Variants in GPSM1 observed in about 807,000 individuals in gnomAD.
The protein encoded by GPSM1 is G protein-signaling modulator 1.
A neutral mutation model predicts 70.5 loss-of-function variants in GPSM1; 48 were observed. That is an observed-to-expected ratio of 0.68 (90% CI 0.54 to 0.87). The LOEUF is 0.87. Among genes scored for constraint, GPSM1 ranks in the 40% least tolerant of loss-of-function variants. The pLI is 0.00. For synonymous variants in GPSM1, 416 were observed against 430.1 expected (o/e 0.97, Z 0.41); for missense variants, 981 against 972.6 (o/e 1.01, Z -0.11).
At chr9:136,354,816 G>C (rs1194087633) in intron 11 of GPSM1, 1 of 993,642 alleles carries the variant, frequency 1.0e-6, no homozygotes. Context: ...GGCTGTGTAG[G>C]GCATGGACAC....
At position 136,358,277 on chromosome 9, in the gene GPSM1, A is replaced by C. The variant is rs936984632; in HGVS notation, c.*57A>C. On this transcript the variant is annotated 3_prime_UTR_variant, in exon 14 of 14. Coordinates refer to ENST00000440944, the MANE Select transcript of GPSM1 (RefSeq NM_001145638.3). ...CCCCACTCCTGGACGCCGGTCTCAC[A>C]GTCACAGCCACGTCCTCCCGAGGCC... 15 of 1,406,224 alleles carry C rather than the reference A, an allele frequency of 1.1e-5. No homozygotes were observed. The highest frequency in any genetic ancestry group is 1.5e-5 in the Non-Finnish European group (15 of 1,033,212). The allele number at this position is 1,406,224 out of a possible 1,614,324, so 87.1% of individuals were successfully genotyped here. A position where few individuals can be genotyped will look rare whatever the true frequency, so the allele number is the denominator to read the frequency against.
At chr9:136,336,871 C>G in intron 3 of GPSM1, 50 bp from the exon 4 acceptor site, 1 of 1,516,212 alleles carries the variant, frequency 6.6e-7, no homozygotes. Context: ...CTCTGCACAT[C>G]GTGTGGGGGG....
At chr9:136,344,583 T>C (rs1417629966) in intron 9 of GPSM1, among the ~76,000 whole-genome samples, 1 of 152,214 alleles carries the variant, frequency 6.6e-6, no homozygotes, top group Admixed American at 6.5e-5. Context: ...CATGACCTCA[T>C]GTAAACCTCA....
At chr9:136,333,693 A>G (rs1554768789) in intron 1 of GPSM1, among the ~76,000 whole-genome samples, 1 of 152,124 alleles carries the variant, frequency 6.6e-6, no homozygotes, top group Non-Finnish European at 1.5e-5. Context: ...CGCCATCCAC[A>G]TCTTCCCACA....
In GPSM1 at chr9:136,342,929, G is replaced by A. The variant is rs1016865333; in HGVS notation, c.1207+1936G>A. ...CGCGGTGGGGCGTGGCCTTGCTGTTGTGGGCGTGGTCCATGGGGGCGGTGG... is the reference window on the plus strand; with the variant it reads ...CGCGGTGGGGCGTGGCCTTGCTGTTATGGGCGTGGTCCATGGGGGCGGTGG... On this transcript the variant is annotated intron_variant, in intron 9 of 13. Transcript: ENST00000440944. The surrounding 1 kb of genome is among the most constrained non-coding windows in gnomAD (Gnocchi z 5.5). Among the ~76,000 whole-genome samples, 1 of 152,024 alleles carries A rather than the reference G, an allele frequency of 6.6e-6. No individual in the cohort carries two copies. Among genetic ancestry groups the A allele is most frequent in the Non-Finnish European group, 1.5e-5 (1 of 67,978 alleles).
In GPSM1 at chr9:136,336,918, C is replaced by T. The variant is rs1832252628; in HGVS notation, c.427-3C>T. 3.2e-6 allele frequency: 5 copies of T among 1,553,086 alleles called. No homozygotes were observed. The highest frequency in any genetic ancestry group is 1.4e-5 in the African/African-American group (1 of 73,262). ...TGCCCCCAACCCTCCGTACTGCCCA[C>T]AGGTTGGGGAGGCGAGGGCCCTCTA... On this transcript the variant is annotated splice_polypyrimidine_tract_variant and splice_region_variant and intron_variant, in intron 3 of 13. Transcript: ENST00000440944.
intron 11 of GPSM1, among the ~76,000 whole-genome samples, chr9:136,352,005 T>C (rs1209509552): frequency 1.3e-5 from 2 of 152,022 alleles, no homozygotes; most frequent in East Asian, 1.9e-4. Context: ...AGGGAAGGGC[T>C]TTCAGCTCTC....
At chr9:136,354,848 A>ACACAGGGTGTGGTGGGCACAGGGAT in intron 11 of GPSM1, 1 of 1,000,904 alleles carries the variant, frequency 1.0e-6, no homozygotes, top group Non-Finnish European at 1.2e-6. Flanking sequence ...GGCAGGGCTG[A>ACACAGGGTGTGGTGGGCACAGGGAT]CACAGGGTGT....
rs1182487522 is a variant in GPSM1, at chr9:136,341,584, C to T, written c.1207+591C>T. 9 of 1,013,966 alleles carry T rather than the reference C, an allele frequency of 8.9e-6. No individual in the cohort carries two copies. Among genetic ancestry groups the T allele is most frequent in the South Asian group, 8.2e-5 (2 of 24,478 alleles). The allele number at this position is 1,013,966 out of a possible 1,614,324, so 62.8% of individuals were successfully genotyped here. ...CCAGGGGGGTGGTGCCAGGTTGGGC[C>T]GACTTCCTGAGGTGGCTGGCAGGTG... On this transcript the variant is annotated intron_variant, in intron 9 of 13. Transcript: ENST00000440944. The surrounding 1 kb of genome is among the most constrained non-coding windows in gnomAD (Gnocchi z 6.7).
At chr9:136,332,485 C>G (rs1236814101) in intron 1 of GPSM1, among the ~76,000 whole-genome samples, 3 of 152,248 alleles carry the variant, frequency 2.0e-5, no homozygotes, top group African/African-American at 7.2e-5. Flanking sequence ...CTGGGCTCCA[C>G]AGACACCCAG....
At chr9:136,349,233 C>T (rs1832598079) in intron 10 of GPSM1, among the ~76,000 whole-genome samples, 1 of 152,368 alleles carries the variant, frequency 6.6e-6, no homozygotes, top group South Asian at 2.1e-4. Flanking sequence ...GTGGCCTGGG[C>T]CAGCAGCCTG....
intron 11 of GPSM1, among the ~76,000 whole-genome samples, chr9:136,351,060 T>C (rs1313271082): frequency 6.6e-6 from 1 of 152,050 alleles, no homozygotes; most frequent in East Asian, 1.9e-4. Flanking sequence ...GACGGCTGGG[T>C]CCAAACCACT....
chr9:136,350,752 G>C (rs1832640030), intron 11 of GPSM1, among the ~76,000 whole-genome samples: 1 of 152,242 alleles, frequency 6.6e-6, no homozygotes, highest in Non-Finnish European at 1.5e-5. Context: ...CGCAGCCTGG[G>C]CGCCACCCGG....
chr9:136,336,622 G>A (rs141121126), intron 3 of GPSM1, among the ~76,000 whole-genome samples: 336 of 152,332 alleles, frequency 2.2e-3, no homozygotes, highest in Non-Finnish European at 3.9e-3. Flanking sequence ...GCTTGAGGCC[G>A]CAGCATCTGG....
intron 5 of GPSM1, 105 bp from the exon 6 acceptor site, chr9:136,337,741 C>A: frequency 9.6e-7 from 1 of 1,045,136 alleles, no homozygotes; most frequent in Non-Finnish European, 1.5e-6. Context: ...CACCCGGACA[C>A]ACAGATCTCT....
At chr9:136,357,676 T>A (rs1409515658) in intron 13 of GPSM1, among the ~76,000 whole-genome samples, 1 of 152,144 alleles carries the variant, frequency 6.6e-6, no homozygotes, top group East Asian at 1.9e-4. Flanking sequence ...TCCCTGGGGA[T>A]CAGCAGATGT....
rs782078428 is a variant in GPSM1 at position 136,339,770 on chromosome 9, G to A, written c.1038G>A (p.Ala346=). 7.6e-5 allele frequency: 118 copies of A among 1,549,970 alleles called. No individual in the cohort carries two copies. The Admixed American group carries it at 1.1e-3, about 14-fold the overall frequency. ...CCTACGTGTCCATGGGGCGCCCAGC[G>A]CAGGCCCTGACCTTCGCCAAGAAGC... ...GNAYVSMGRP[A]QALTFAKKHL... The change falls in exon 8 of 14, where the codon GCG becomes GCA. Residue 346 remains alanine (A), a synonymous_variant. Transcript: ENST00000440944.
In GPSM1 at chr9:136,342,156, T is replaced by C. The variant is rs782785509; in HGVS notation, c.1207+1163T>C. On this transcript the variant is annotated intron_variant, in intron 9 of 13. Transcript: ENST00000440944. The surrounding 1 kb of genome is among the most constrained non-coding windows in gnomAD (Gnocchi z 5.5). The stretch of plus-strand genomic sequence containing the variant: ...ATGGGCTGGAATGTGCCCCCCAGGA[T>C]GTCCAGGCCTATTTCTACCCATGGC... Among the ~76,000 whole-genome samples the C allele has an allele frequency of 2.0e-5, 3 of 152,086 alleles. No individual in the cohort carries two copies. Among genetic ancestry groups the C allele is most frequent in the Non-Finnish European group, 2.9e-5 (2 of 68,012 alleles).
intron 13 of GPSM1, 120 bp from the exon 14 acceptor site, chr9:136,357,894 G>C (rs1832879240): frequency 1.4e-6 from 1 of 724,116 alleles, no homozygotes; most frequent in Admixed American, 3.1e-5. Flanking sequence ...CCAATTTCCT[G>C]GGTGGACAGG....
Sources: gnomAD v4.1 joint callset for allele counts (sites outside exome capture counted in the v4.1 genomes callset) on GRCh38, gnomAD v4.1.1 for gene constraint, Gnocchi (gnomAD v3.1) non-coding constraint, MANE v1.5 for transcripts, NCBI Gene and HGNC (gene_info 2026-07-23, HGNC 2026-07-21) for gene names.